KMT2C: variants seen among roughly 807,000 people sequenced by gnomAD.
KMT2C encodes lysine methyltransferase 2C.
A neutral mutation model predicts 507.9 loss-of-function variants in KMT2C; 88 were observed. The ratio of observed to expected loss-of-function variants is 0.17; its 90% CI spans 0.15 to 0.21. The LOEUF (loss-of-function observed/expected upper bound fraction) is 0.21. Ranked by LOEUF, KMT2C falls within the 10% of genes least tolerant of loss-of-function variation. KMT2C has a pLI of 1.00. For synonymous variants in KMT2C, 2,049 were observed against 2,080.8 expected, an observed-to-expected ratio of 0.98 and a Z score of 0.42; for missense variants, 4,954 against 5,957.8, an observed-to-expected ratio of 0.83 and a Z score of 5.55.
intron 1 of KMT2C, among the ~76,000 whole-genome samples, chr7:152,424,482 G>C (rs1031060082): frequency 9.9e-5 from 15 of 151,966 alleles, no homozygotes; most frequent in Non-Finnish European, 1.5e-4. Context: ...GAGTGCAATG[G>C]CAAGATAATG....
chr7:152,359,132 T>C (rs1022865526), intron 1 of KMT2C, among the ~76,000 whole-genome samples: 2 of 152,082 alleles, frequency 1.3e-5, no homozygotes, highest in South Asian at 2.1e-4. Flanking sequence ...TTGGTGACTG[T>C]GATGCAGATG....
intron 6 of KMT2C, among the ~76,000 whole-genome samples, chr7:152,309,665 C>T (rs2096653232): frequency 6.6e-6 from 1 of 151,452 alleles, no homozygotes; most frequent in South Asian, 2.1e-4. Flanking sequence ...GGATTACAGG[C>T]GACTGCCACC....
intron 23 of KMT2C, among the ~76,000 whole-genome samples, chr7:152,210,211 T>C (rs1234525537): frequency 1.3e-5 from 2 of 152,182 alleles, no homozygotes; most frequent in African/African-American, 2.4e-5. Flanking sequence ...GTGGGGAACC[T>C]GAGCAGTTCA....
chr7:152,303,473 C>A (rs778286638), intron 6 of KMT2C, among the ~76,000 whole-genome samples: 1 of 152,202 alleles, frequency 6.6e-6, no homozygotes, highest in Non-Finnish European at 1.5e-5. Context: ...ATTGACAAAT[C>A]CCATTAATGC....
In KMT2C at chr7:152,330,587, A is replaced by G; in HGVS notation, c.389+14T>C. 6.2e-7 allele frequency: 1 copy of G among 1,612,738 alleles called. No individual in the cohort carries two copies. On this transcript the variant is annotated intron_variant, in intron 3 of 58. Transcript: ENST00000262189. Reference sequence around the variant, plus strand: ...TGTCACTAATATCCAATCCAGCTGCATTCATTCTCTAACCTGATTTTGGCT... The same window carrying G: ...TGTCACTAATATCCAATCCAGCTGCGTTCATTCTCTAACCTGATTTTGGCT...
intron 6 of KMT2C, among the ~76,000 whole-genome samples, chr7:152,295,805 G>A (rs1208805887): frequency 1.3e-5 from 2 of 152,216 alleles, no homozygotes; most frequent in East Asian, 1.9e-4. Flanking sequence ...AGTGGCTCAC[G>A]CCTGTAATCC....
intron 26 of KMT2C, 31 bp downstream of exon 26, chr7:152,202,903 C>G (rs199589106): frequency 6.7e-7 from 1 of 1,493,492 alleles, no homozygotes. Flanking sequence ...AATTAACAAA[C>G]CATGTAAAAT....
chr7:152,290,294 ATTTTTTTTTTTTTTTTTT>A (rs869073980), intron 6 of KMT2C, among the ~76,000 whole-genome samples: 1 of 21,422 alleles, frequency 4.7e-5, no homozygotes, highest in African/African-American at 1.8e-4. Context: ...ATATATATAT[ATTTTTTTTTTTTTTTTTT>A]TTTTTTTTTT....
chr7:152,259,322 A>G (rs938282022), intron 9 of KMT2C, among the ~76,000 whole-genome samples: 1 of 152,098 alleles, frequency 6.6e-6, no homozygotes, highest in Non-Finnish European at 1.5e-5. Context: ...TGATTTTTTA[A>G]GAATATTCCT....
intron 3 of KMT2C, among the ~76,000 whole-genome samples, chr7:152,316,613 T>A (rs748201113): frequency 2.0e-5 from 3 of 152,214 alleles, no homozygotes; most frequent in Non-Finnish European, 2.9e-5. Flanking sequence ...ATTTACCCCA[T>A]GATCTTACAT....
intron 40 of KMT2C, among the ~76,000 whole-genome samples, chr7:152,170,509 G>C (rs1472760113): frequency 6.6e-6 from 1 of 152,100 alleles, no homozygotes; most frequent in African/African-American, 2.4e-5. Flanking sequence ...TACTTGCTGT[G>C]TTTGTTTGTT....
chr7:152,357,855 A>G (rs767017801), intron 2 of KMT2C, among the ~76,000 whole-genome samples: 13 of 152,222 alleles, frequency 8.5e-5, no homozygotes, highest in Non-Finnish European at 1.6e-4. Flanking sequence ...AACAATTTTT[A>G]ATTTTTCTCA....
At chr7:152,266,616 C>G (rs2095862032) in intron 7 of KMT2C, among the ~76,000 whole-genome samples, 1 of 152,296 alleles carries the variant, frequency 6.6e-6, no homozygotes. Flanking sequence ...CTTTTCCAGT[C>G]AAGCATCTTG....
At chr7:152,385,000 G>C (rs1390181334) in intron 1 of KMT2C, among the ~76,000 whole-genome samples, 1 of 152,044 alleles carries the variant, frequency 6.6e-6, no homozygotes, top group Non-Finnish European at 1.5e-5. Flanking sequence ...GTCACAAAAA[G>C]AGACAACCAT....
intron 24 of KMT2C, among the ~76,000 whole-genome samples, chr7:152,207,033 T>C (rs1432556930): frequency 6.6e-6 from 1 of 152,206 alleles, no homozygotes. Context: ...AAAGCCAATC[T>C]AGTAAAGCCT....
chr7:152,161,309 AACTAAATATACC>A (rs2092443700), intron 43 of KMT2C, among the ~76,000 whole-genome samples: 1 of 152,226 alleles, frequency 6.6e-6, no homozygotes, highest in East Asian at 1.9e-4. Flanking sequence ...AAAACTGGAC[AACTAAATATACC>A]ACTCAACCCT....
At chr7:152,258,864 G>A (rs1172930147) in intron 9 of KMT2C, among the ~76,000 whole-genome samples, 1 of 152,038 alleles carries the variant, frequency 6.6e-6, no homozygotes, top group Non-Finnish European at 1.5e-5. Flanking sequence ...GAAATTCTGA[G>A]GAAAAGCAAG....
intron 7 of KMT2C, among the ~76,000 whole-genome samples, chr7:152,273,197 A>C (rs2096009914): frequency 6.6e-6 from 1 of 152,198 alleles, no homozygotes; most frequent in African/African-American, 2.4e-5. Flanking sequence ...CAGAAGACTA[A>C]GATAGATGAA....
intron 1 of KMT2C, among the ~76,000 whole-genome samples, chr7:152,401,154 C>T (rs1396184812): frequency 6.7e-6 from 1 of 150,084 alleles, no homozygotes; most frequent in Admixed American, 6.6e-5. Context: ...GGCACCATCT[C>T]GGCTCACTGC....
Sources: gnomAD v4.1 joint callset for allele counts (sites outside exome capture counted in the v4.1 genomes callset) on GRCh38, gnomAD v4.1.1 for gene constraint, MANE v1.5 for transcripts, NCBI Gene and HGNC (gene_info 2026-07-23, HGNC 2026-07-21) for gene names.